Variants in NRXN3 observed in about 807,000 individuals in gnomAD.
NRXN3 encodes the protein neurexin III.
In NRXN3, 32 loss-of-function variants were observed where a neutral mutation model predicts 137.6. The ratio of observed to expected loss-of-function variants is 0.23; its 90% confidence interval spans 0.18 to 0.31. The LOEUF (loss-of-function observed/expected upper bound fraction) is 0.31. Ranked by LOEUF, NRXN3 falls within the 10% of genes least tolerant of loss-of-function variation. The pLI, the probability that NRXN3 is intolerant of heterozygous loss-of-function variation, is 1.00. For missense variants in NRXN3, 1,574 were observed against 2,062.5 expected, an observed-to-expected ratio of 0.76 and a Z score of 4.59; for synonymous variants, 798 against 784.5, an observed-to-expected ratio of 1.02 and a Z score of -0.29.
chr14:78,561,969 T>C (rs1179223079), intron 4 of NRXN3, among the ~76,000 whole-genome samples: 2 of 152,218 alleles, frequency 1.3e-5, no homozygotes, highest in African/African-American at 2.4e-5. Context: ...GTCACAATAA[T>C]ATTTCCCATC....
intron 4 of NRXN3, among the ~76,000 whole-genome samples, chr14:78,355,856 T>C (rs2153599959): frequency 6.6e-6 from 1 of 152,362 alleles, no homozygotes; most frequent in South Asian, 2.1e-4. Context: ...CAGAGAATCA[T>C]ATAACCGTAA....
chr14:79,256,691 G>A (rs1029520229), intron 15 of NRXN3, among the ~76,000 whole-genome samples: 1 of 152,194 alleles, frequency 6.6e-6, no homozygotes, highest in Non-Finnish European at 1.5e-5. Context: ...TGGACAGCCT[G>A]TTCTGCCAGA....
intron 10 of NRXN3, among the ~76,000 whole-genome samples, chr14:78,834,856 C>G (rs897936359): frequency 3.3e-5 from 5 of 152,192 alleles, no homozygotes; most frequent in South Asian, 2.1e-4. Flanking sequence ...AATAAAGAAC[C>G]GACATACAGC....
Position 79,204,767 on chromosome 14 carries a change from G to A in NRXN3, c.3262+216626G>A, listed in dbSNP as rs528852815. On this transcript the variant is annotated intron_variant, in intron 15 of 20. Coordinates refer to ENST00000335750, the MANE Select transcript of NRXN3 (RefSeq NM_001330195.2). The stretch of plus-strand genomic sequence containing the variant: ...GATTGCTTCCCCTGGCACAGGTAGA[G>A]GTACTTATGCACAGGGAAGGAAATG... 2.0e-5 allele frequency among the ~76,000 whole-genome samples: 3 copies of A among 152,240 alleles called. No homozygotes were observed. In the South Asian group the frequency reaches 6.2e-4, roughly 32 times the overall value.
chr14:79,435,637 C>A (rs1048998930), intron 15 of NRXN3, among the ~76,000 whole-genome samples: 1 of 141,192 alleles, frequency 7.1e-6, no homozygotes, highest in East Asian at 2.0e-4. Context: ...CACATACATT[C>A]TTTGTTTGTT....
At chr14:79,064,739 G>A (rs996839019) in intron 15 of NRXN3, among the ~76,000 whole-genome samples, 2 of 140,574 alleles carry the variant, frequency 1.4e-5, no homozygotes, top group African/African-American at 5.5e-5. Flanking sequence ...ATATGTATAT[G>A]TATATATATA....
intron 16 of NRXN3, among the ~76,000 whole-genome samples, chr14:79,494,739 T>C (rs2096750370): frequency 6.6e-6 from 1 of 152,230 alleles, no homozygotes; most frequent in Non-Finnish European, 1.5e-5. Flanking sequence ...AACCCTTCAC[T>C]GAGCTTCCAC....
intron 10 of NRXN3, among the ~76,000 whole-genome samples, chr14:78,924,101 TAGC>T (rs2099278363): frequency 6.6e-6 from 1 of 151,898 alleles, no homozygotes; most frequent in African/African-American, 2.4e-5. Context: ...TACAAAAAAT[TAGC>T]AGGGCGTGGT....
At chr14:78,780,031 G>T (rs974970680) in intron 8 of NRXN3, among the ~76,000 whole-genome samples, 7 of 152,102 alleles carry the variant, frequency 4.6e-5, no homozygotes, top group Non-Finnish European at 8.8e-5. Flanking sequence ...AAACCCAAGA[G>T]AAAAGACTTG....
chr14:78,572,227 A>G (rs1310595494), intron 4 of NRXN3, among the ~76,000 whole-genome samples: 4 of 152,156 alleles, frequency 2.6e-5, no homozygotes, highest in Non-Finnish European at 5.9e-5. Context: ...TCCCTTCTCT[A>G]GTTCTGTCTT....
At chr14:79,308,929 T>A (rs1052196103) in intron 15 of NRXN3, among the ~76,000 whole-genome samples, 22 of 146,468 alleles carry the variant, frequency 1.5e-4, no homozygotes, top group African/African-American at 4.8e-4. Context: ...TTATTTATTT[T>A]TTAATTTTTT....
chr14:79,088,248 C>G lies in NRXN3; in HGVS notation c.3262+100107C>G, dbSNP rs1390427094. Among the ~76,000 whole-genome samples the G allele has an allele frequency of 1.3e-5, 2 of 149,750 alleles. 1 individual carries two copies. Among genetic ancestry groups the G allele is most frequent in the Admixed American group, 1.3e-4 (2 of 15,234 alleles). On this transcript the variant is annotated intron_variant, in intron 15 of 20. Transcript: ENST00000335750. Reference sequence around the variant, plus strand: ...AATAAGAAAAATTGTTTGAACCTCTCTCATTCTGCTCACCATCTTACCCTT... The same window carrying G: ...AATAAGAAAAATTGTTTGAACCTCTGTCATTCTGCTCACCATCTTACCCTT...
At chr14:78,663,822 T>C (rs1336471448) in intron 6 of NRXN3, among the ~76,000 whole-genome samples, 1 of 152,208 alleles carries the variant, frequency 6.6e-6, no homozygotes, top group Non-Finnish European at 1.5e-5. Flanking sequence ...ACAAAATCTC[T>C]TGTGTCTTTG....
chr14:79,689,956 CT>C (rs2154023871), intron 17 of NRXN3, among the ~76,000 whole-genome samples: 1 of 152,262 alleles, frequency 6.6e-6, no homozygotes, highest in East Asian at 1.9e-4. Flanking sequence ...TAGCTTTATA[CT>C]TGCTATCGAC....
At chr14:79,731,431 C>G (rs926745240) in intron 19 of NRXN3, among the ~76,000 whole-genome samples, 6 of 152,194 alleles carry the variant, frequency 3.9e-5, no homozygotes, top group Non-Finnish European at 8.8e-5. Context: ...ATAAACCACA[C>G]ATCCCATCTA....
chr14:78,844,562 TATA>T (rs2099021308), intron 10 of NRXN3, among the ~76,000 whole-genome samples: 1 of 152,114 alleles, frequency 6.6e-6, no homozygotes. Flanking sequence ...TTTACAGGGT[TATA>T]ATAAGAAATA....
chr14:79,278,490 A>G (rs1408488224), intron 15 of NRXN3, among the ~76,000 whole-genome samples: 2 of 152,146 alleles, frequency 1.3e-5, no homozygotes, highest in African/African-American at 4.8e-5. Context: ...TGAGGTAAAC[A>G]CCGTGCTGTC....
At chr14:79,425,408 C>G (rs1440882530) in intron 15 of NRXN3, among the ~76,000 whole-genome samples, 1 of 152,114 alleles carries the variant, frequency 6.6e-6, no homozygotes. Flanking sequence ...TCTTAGAAAA[C>G]CTTCAGTGCC....
chr14:78,539,953 T>G (rs1387642901), intron 4 of NRXN3, among the ~76,000 whole-genome samples: 2 of 152,228 alleles, frequency 1.3e-5, no homozygotes, highest in Non-Finnish European at 2.9e-5. Context: ...CTAATTTGAT[T>G]GCACTGTGGT....
Sources: gnomAD v4.1 joint callset for allele counts (sites outside exome capture counted in the v4.1 genomes callset) on GRCh38, gnomAD v4.1.1 for gene constraint, MANE v1.5 for transcripts, NCBI Gene and HGNC (gene_info 2026-07-23, HGNC 2026-07-21) for gene names.